Variants in LOC728743 observed in about 807,000 individuals in gnomAD.
the LOC728743 span, among the ~76,000 whole-genome samples, chr7:150,402,721 G>A: frequency 1.3e-5 from 2 of 152,198 alleles, no homozygotes; most frequent in African/African-American, 4.8e-5. Flanking sequence ...TCAAGGGGGA[G>A]GTGGTTGCCC....
the LOC728743 span, chr7:150,407,835 A>G: frequency 2.4e-6 from 1 of 417,484 alleles, no homozygotes. Flanking sequence ...GAGTGCGGCA[A>G]GGCCTTCAGC....
At chr7:150,410,316 CCAGTGGAGGTG>C in the LOC728743 span, 2 of 397,038 alleles carry the variant, frequency 5.0e-6, no homozygotes, top group African/African-American at 4.1e-5. Flanking sequence ...ACTGCGGTGA[CCAGTGGAGGTG>C]ACTGGTTGGA....
chr7:150,408,048 A>C, the LOC728743 span: 2 of 393,522 alleles, frequency 5.1e-6, no homozygotes, highest in Non-Finnish European at 9.0e-6. Context: ...CAGCGCACCC[A>C]CGCGCGCATG....
the LOC728743 span, chr7:150,404,345 C>G: frequency 1.3e-5 from 2 of 152,236 alleles, no homozygotes; most frequent in African/African-American, 4.8e-5. Context: ...CTGAGGGTCT[C>G]AGTCCCAGGG....
chr7:150,404,057 G>C, the LOC728743 span, among the ~76,000 whole-genome samples: 1 of 152,186 alleles, frequency 6.6e-6, no homozygotes, highest in African/African-American at 2.4e-5. Context: ...ATCTCTCAAT[G>C]CCCTCCATCA....
the LOC728743 span, chr7:150,410,186 C>T: frequency 2.5e-6 from 1 of 398,608 alleles, no homozygotes; most frequent in South Asian, 1.3e-4. Context: ...ATCTTAAGAC[C>T]CGATAGGTGC....
At chr7:150,411,953 C>G in the LOC728743 span, 1 of 153,334 alleles carries the variant, frequency 6.5e-6, no homozygotes, top group African/African-American at 2.4e-5. Flanking sequence ...CCACCCAGCC[C>G]ACATTCCTCC....
At chr7:150,407,706 C>G in the LOC728743 span, 7 of 399,430 alleles carry the variant, frequency 1.8e-5, no homozygotes, top group African/African-American at 1.0e-4. Flanking sequence ...CACCACCCTG[C>G]AGAGGAGCAG....
At chr7:150,407,947 C>A in the LOC728743 span, 2 of 409,228 alleles carry the variant, frequency 4.9e-6, no homozygotes, top group Non-Finnish European at 8.7e-6. Flanking sequence ...AGAACCTGCT[C>A]ACGCACCAGC....
the LOC728743 span, chr7:150,405,001 C>T: frequency 6.6e-6 from 1 of 152,258 alleles, no homozygotes; most frequent in Non-Finnish European, 1.5e-5. Context: ...GTGGGCCTGG[C>T]CTTGGGATTA....
At chr7:150,406,443 G>GGT in the LOC728743 span, among the ~76,000 whole-genome samples, 3 of 152,018 alleles carry the variant, frequency 2.0e-5, no homozygotes, top group Admixed American at 6.6e-5. Context: ...GGCAGTGGGG[G>GGT]GTGTGTGTGT....
the LOC728743 span, chr7:150,411,844 TC>T: frequency 1.3e-5 from 2 of 152,616 alleles, no homozygotes; most frequent in Non-Finnish European, 2.9e-5. Context: ...CTGTGCTTGT[TC>T]CTGCCTCTGT....
At chr7:150,408,080 C>T in the LOC728743 span, 1 of 377,194 alleles carries the variant, frequency 2.7e-6, no homozygotes, top group Non-Finnish European at 4.7e-6. Flanking sequence ...CCCGCGCCGC[C>T]CCGGCGTCTT....
the LOC728743 span, chr7:150,407,556 A>AC: frequency 2.5e-6 from 1 of 397,532 alleles, no homozygotes; most frequent in Non-Finnish European, 4.4e-6. Context: ...TCCACCCCCC[A>AC]CCCCCGCCCC....
At chr7:150,408,172 C>T in the LOC728743 span, 5 of 392,180 alleles carry the variant, frequency 1.3e-5, no homozygotes, top group Non-Finnish European at 2.3e-5. Flanking sequence ...ATCAGCGCAG[C>T]CACGGCCACG....
the LOC728743 span, chr7:150,412,157 A>G: frequency 6.6e-6 from 1 of 152,184 alleles, no homozygotes; most frequent in Non-Finnish European, 1.5e-5. Context: ...CTCAGGAAAC[A>G]CTTGTCGGCT....
At chr7:150,405,573 G>A in the LOC728743 span, 1 of 151,992 alleles carries the variant, frequency 6.6e-6, no homozygotes, top group Non-Finnish European at 1.5e-5. Flanking sequence ...GCTTGCAGTC[G>A]GGCGGGGTGG....
chr7:150,412,016 T>C, the LOC728743 span: 1 of 152,292 alleles, frequency 6.6e-6, no homozygotes. Context: ...CTGCGTGCTG[T>C]CCCATGGACG....
the LOC728743 span, among the ~76,000 whole-genome samples, chr7:150,401,271 G>A: frequency 2.0e-5 from 3 of 152,226 alleles, no homozygotes; most frequent in East Asian, 3.8e-4. Flanking sequence ...CAAGTCGTCC[G>A]GTAAGGCAGT....
Sources: gnomAD v4.1 joint callset for allele counts (sites outside exome capture counted in the v4.1 genomes callset) on GRCh38, gnomAD v4.1.1 for gene constraint, MANE v1.5 for transcripts.